QARS1: variants seen among roughly 807,000 people sequenced by gnomAD.
QARS1 encodes glutaminyl-tRNA synthetase 1.
In QARS1, 79 loss-of-function variants were observed where a neutral mutation model predicts 106.9. The observed-to-expected ratio is 0.74, with a 90% CI of 0.62 to 0.89. The LOEUF (loss-of-function observed/expected upper bound fraction) is 0.89, where lower values mean the gene tolerates loss of function less well. Among genes scored for constraint, QARS1 ranks in the 40% least tolerant of loss-of-function variants. The pLI is 0.00. For missense variants in QARS1, 966 were observed against 997.2 expected, an observed-to-expected ratio of 0.97 and a Z score of 0.42; for synonymous variants, 395 against 367.7, an observed-to-expected ratio of 1.07 and a Z score of -0.85.
In QARS1 at chr3:49,100,199, C is replaced by T. The variant is rs771554057; in HGVS notation, c.1155G>A (p.Leu385=). 1 of 1,614,120 alleles carries T rather than the reference C, an allele frequency of 6.2e-7. No individual in the cohort carries two copies. ...WRDRPMEESL[L]LFEAMRKGKF... is the part of the protein sequence containing the mutation. ...TCCTCTAGGACCCCACCTCAAAGAG[C>T]AGCAGTGACTCCTCCATGGGACGGT... The change falls in exon 13 of 24, where the codon CTG becomes CTA. Residue 385 remains leucine, a synonymous_variant. Transcript: ENST00000306125.
chr3:49,098,758 A>C, intron 19 of QARS1, 66 bp from the exon 20 acceptor site: 1 of 1,502,252 alleles, frequency 6.7e-7, no homozygotes, highest in East Asian at 2.3e-5. Context: ...AAGCTTCCCT[A>C]CCCCCGTGTC....
intron 23 of QARS1, among the ~76,000 whole-genome samples, chr3:49,096,536 AC>A (rs990634304): frequency 1.3e-5 from 2 of 152,104 alleles, no homozygotes; most frequent in Admixed American, 6.5e-5. Flanking sequence ...GCAGTGGCTC[AC>A]GCCTGTAATC....
At position 49,098,310 on chromosome 3, in the gene QARS1, T is replaced by C. The variant is rs373351841; in HGVS notation, c.2084+43A>G. The C allele has an allele frequency of 7.2e-5, 116 of 1,614,166 alleles. No individual in the cohort carries two copies. In the Middle Eastern group the frequency reaches 4.3e-3, roughly 60 times the overall value. On this transcript the variant is annotated intron_variant, in intron 21 of 23. Coordinates refer to ENST00000306125, the MANE Select transcript of QARS1 (RefSeq NM_005051.3). Reference sequence around the variant, plus strand: ...CCAGCTGGGCAGCCATAGCAGGCAATGTGCATCTTGTACCTGCCCCCACCC... The same window carrying C: ...CCAGCTGGGCAGCCATAGCAGGCAACGTGCATCTTGTACCTGCCCCCACCC...
At chr3:49,096,345 G>A (rs767852635) in intron 23 of QARS1, among the ~76,000 whole-genome samples, 8 of 152,212 alleles carry the variant, frequency 5.3e-5, no homozygotes, top group Non-Finnish European at 1.2e-4. Flanking sequence ...CAACCACCAT[G>A]TTTGCCCCCT....
intron 10 of QARS1, 89 bp downstream of exon 10, chr3:49,101,266 G>T: frequency 9.8e-7 from 1 of 1,023,056 alleles, no homozygotes; most frequent in South Asian, 1.5e-5. Context: ...TACATTATTG[G>T]GAGCAGACAG....
At chr3:49,096,626 C>T (rs1034899821) in intron 23 of QARS1, among the ~76,000 whole-genome samples, 18 of 151,578 alleles carry the variant, frequency 1.2e-4, no homozygotes, top group Non-Finnish European at 1.9e-4. Flanking sequence ...GGTGAAACCC[C>T]GTCTCTACTA....
rs546611625 is a variant in QARS1, at chr3:49,103,755, T to C, written c.376-49A>G. The C allele has an allele frequency of 2.5e-6, 4 of 1,606,574 alleles. No homozygotes were observed. In the East Asian group the frequency reaches 8.9e-5, roughly 36 times the overall value. On this transcript the variant is annotated intron_variant, in intron 3 of 23. Coordinates refer to ENST00000306125, the MANE Select transcript of QARS1 (RefSeq NM_005051.3). ...TTCAGGAAAGCCACCTTTAGAGATA[T>C]TCTGGGAACCCACACCCTCACTCTG...
chr3:49,096,299 G>A (rs545991291), intron 23 of QARS1, among the ~76,000 whole-genome samples: 2 of 152,332 alleles, frequency 1.3e-5, no homozygotes, highest in Non-Finnish European at 2.9e-5. Flanking sequence ...AACAACCACC[G>A]TGGGGGTCCA....
Position 49,102,409 on chromosome 3 carries a change from C to T in QARS1, c.570+10G>A, listed in dbSNP as rs375202901. 6.2e-6 allele frequency: 10 copies of T among 1,614,166 alleles called. No homozygotes were observed. The highest frequency in any genetic ancestry group is 5.5e-5 in the South Asian group (5 of 91,074). ...CACCCTCAGGGACTCAGGGCCATGC[C>T]CATCCCTACCTTGAACTTCTTCTCC... On this transcript the variant is annotated intron_variant, in intron 6 of 23. Coordinates refer to ENST00000306125, the MANE Select transcript of QARS1 (RefSeq NM_005051.3).
intron 17 of QARS1, 31 bp from the exon 18 acceptor site, chr3:49,099,284 T>G (rs1279830092): frequency 6.2e-7 from 1 of 1,614,124 alleles, no homozygotes; most frequent in Non-Finnish European, 8.5e-7. Flanking sequence ...CAGTCACAGC[T>G]ACAATCACAA....
Position 49,098,948 on chromosome 3 carries a change from G to C in QARS1, c.1800C>G (p.Thr600=). 1 of 1,614,086 alleles carries C rather than the reference G, an allele frequency of 6.2e-7. No homozygotes were observed. The highest frequency in any genetic ancestry group is 8.5e-7 in the Non-Finnish European group (1 of 1,179,982). The change falls in exon 19 of 24, where the codon ACC becomes ACG. Residue 600 remains threonine (T), a synonymous_variant. Transcript: ENST00000306125. ...CAAAGGGAACCTGATGGAAGCCTTTGGTCTCATCAGCTGGGAAGTTGGGCA... is the reference window on the plus strand; with the variant it reads ...CAAAGGGAACCTGATGGAAGCCTTTCGTCTCATCAGCTGGGAAGTTGGGCA... The part of the protein sequence containing the change: ...IQVPNFPADE[T]KGFHQVPFAP...
intron 2 of QARS1, 42 bp downstream of exon 2, chr3:49,104,282 G>T: frequency 6.2e-7 from 1 of 1,609,286 alleles, no homozygotes; most frequent in African/African-American, 1.3e-5. Flanking sequence ...TTGGCTGAAG[G>T]GAGGCATTGG....
intron 7 of QARS1, 36 bp from the exon 8 acceptor site, chr3:49,101,935 G>C (rs376706914): frequency 2.7e-4 from 432 of 1,582,804 alleles, no homozygotes; most frequent in Non-Finnish European, 3.5e-4. Flanking sequence ...TTGTCCTCTA[G>C]ATACATTTAC....
Position 49,101,342 on chromosome 3 carries a change from G to A in QARS1, c.876+13C>T, listed in dbSNP as rs886745542. The A allele has an allele frequency of 4.4e-6, 7 of 1,596,038 alleles. No homozygotes were observed. Among genetic ancestry groups the A allele is most frequent in the Non-Finnish European group, 6.0e-6 (7 of 1,164,442 alleles). On this transcript the variant is annotated intron_variant, in intron 10 of 23. Transcript: ENST00000306125. ...GGTCATCTTGCTTGCCAGGTCCCTAGACACATGCTTACCTTGGCATAGCCA... is the reference window on the plus strand; with the variant it reads ...GGTCATCTTGCTTGCCAGGTCCCTAAACACATGCTTACCTTGGCATAGCCA...
chr3:49,102,038 G>T, intron 7 of QARS1, 139 bp from the exon 8 acceptor site: 1 of 1,298,692 alleles, frequency 7.7e-7, no homozygotes, highest in Non-Finnish European at 1.1e-6. Context: ...GGCCTCTCAT[G>T]CCAGTCTCTG....
At chr3:49,097,906 A>G in intron 23 of QARS1, 86 bp downstream of exon 23, 1 of 1,539,244 alleles carries the variant, frequency 6.5e-7, no homozygotes, top group Non-Finnish European at 8.9e-7. Flanking sequence ...AGGATTAACT[A>G]AGGGAATGTA....
Position 49,098,865 on chromosome 3 carries a change from C to T in QARS1, c.1863+20G>A. On this transcript the variant is annotated intron_variant, in intron 19 of 23. Transcript: ENST00000306125. ...TACCAGACTCAGCAGCAAACGGGAC[C>T]CTCCACCCCCACAATTTACCTCCTT... 1.3e-6 allele frequency: 2 copies of T among 1,593,850 alleles called. No homozygotes were observed. Among genetic ancestry groups the T allele is most frequent in the Non-Finnish European group, 1.7e-6 (2 of 1,161,782 alleles).
At chr3:49,101,731 G>A in intron 8 of QARS1, 26 bp from the exon 9 acceptor site, 1 of 1,613,530 alleles carries the variant, frequency 6.2e-7, no homozygotes. Flanking sequence ...TAAGCCTAAG[G>A]ACCAGGCTGC....
rs1470120374 is a variant in QARS1, at chr3:49,101,902, G to A, written c.632-3C>T. On this transcript the variant is annotated splice_polypyrimidine_tract_variant and splice_region_variant and intron_variant, in intron 7 of 23. Transcript: ENST00000306125. Reference sequence around the variant, plus strand: ...CAGGGTCTGGTCAGCAGTCTCGCCTGTGGGGAACAAAACAAGGAAAACTTG... The same window carrying A: ...CAGGGTCTGGTCAGCAGTCTCGCCTATGGGGAACAAAACAAGGAAAACTTG... 2 of 1,607,572 alleles carry A rather than the reference G, an allele frequency of 1.2e-6. No individual in the cohort carries two copies. The highest frequency in any genetic ancestry group is 1.7e-6 in the Non-Finnish European group (2 of 1,177,028).
Sources: gnomAD v4.1 joint callset for allele counts (sites outside exome capture counted in the v4.1 genomes callset) on GRCh38, gnomAD v4.1.1 for gene constraint, MANE v1.5 for transcripts, NCBI Gene and HGNC (gene_info 2026-07-23, HGNC 2026-07-21) for gene names.